Variants in PRKCE observed in about 807,000 individuals in gnomAD.
The protein encoded by PRKCE is protein kinase C epsilon.
PRKCE carries 16 observed loss-of-function variants against 85.4 expected under a neutral mutation model. The observed-to-expected ratio is 0.19, with a 90% CI of 0.13 to 0.28. PRKCE has a LOEUF of 0.28. Ranked by LOEUF, PRKCE falls within the 10% of genes least tolerant of loss-of-function variation. The probability of loss-of-function intolerance (pLI) is 1.00; values close to 1 mark genes in which losing one functional copy is unlikely to be tolerated. For missense variants in PRKCE, 573 were observed against 975.2 expected (o/e 0.59, Z 5.49); for synonymous variants, 388 against 371.5 (o/e 1.04, Z -0.51).
At chr2:45,962,650 A>G (rs1701458364) in intron 2 of PRKCE, among the ~76,000 whole-genome samples, 1 of 152,112 alleles carries the variant, frequency 6.6e-6, no homozygotes, top group Admixed American at 6.5e-5. Flanking sequence ...TTCTCATATC[A>G]CTATAGAAGA....
intron 11 of PRKCE, among the ~76,000 whole-genome samples, chr2:46,106,237 G>A (rs1181444565): frequency 2.6e-5 from 4 of 152,174 alleles, no homozygotes; most frequent in African/African-American, 9.7e-5. Context: ...AGCTATTTGA[G>A]CTCACACCGA....
At chr2:46,123,831 G>A (rs537022196) in intron 11 of PRKCE, among the ~76,000 whole-genome samples, 1 of 152,272 alleles carries the variant, frequency 6.6e-6, no homozygotes, top group East Asian at 1.9e-4. Context: ...CAGAAGTTTG[G>A]TGGTAAGGAT....
chr2:46,090,413 C>G (rs960128093), intron 11 of PRKCE, among the ~76,000 whole-genome samples: 1 of 152,110 alleles, frequency 6.6e-6, no homozygotes, highest in Admixed American at 6.5e-5. Flanking sequence ...CTTGTTCCCT[C>G]TGCCACCCTT....
At chr2:46,122,819 C>G (rs551051075) in intron 11 of PRKCE, among the ~76,000 whole-genome samples, 2 of 150,738 alleles carry the variant, frequency 1.3e-5, no homozygotes, top group Admixed American at 6.6e-5. Flanking sequence ...GCAAAAAGGT[C>G]CAATGGTCAG....
chr2:45,916,536 G>A (rs1270326411), intron 2 of PRKCE, among the ~76,000 whole-genome samples: 1 of 152,172 alleles, frequency 6.6e-6, no homozygotes, highest in Non-Finnish European at 1.5e-5. Flanking sequence ...GTGAGCCATT[G>A]CACCCAATGA....
At chr2:45,765,266 C>G (rs1166237765) in intron 1 of PRKCE, among the ~76,000 whole-genome samples, 2 of 152,128 alleles carry the variant, frequency 1.3e-5, no homozygotes, top group Non-Finnish European at 2.9e-5. Context: ...GATGAGTAAG[C>G]CTGGAGAATA....
At chr2:45,814,401 G>T (rs1688874381) in intron 1 of PRKCE, among the ~76,000 whole-genome samples, 1 of 152,244 alleles carries the variant, frequency 6.6e-6, no homozygotes, top group Non-Finnish European at 1.5e-5. Context: ...GAAGGCAGTG[G>T]TTTGCTGATT....
At chr2:45,930,234 G>A (rs1469500855) in intron 2 of PRKCE, among the ~76,000 whole-genome samples, 3 of 152,182 alleles carry the variant, frequency 2.0e-5, no homozygotes, top group Non-Finnish European at 4.4e-5. Flanking sequence ...TAGAAATAGA[G>A]GAAGGCTAAC....
intron 1 of PRKCE, among the ~76,000 whole-genome samples, chr2:45,655,553 C>A (rs777071002): frequency 3.0e-4 from 46 of 152,062 alleles, no homozygotes; most frequent in Non-Finnish European, 5.0e-4. Context: ...GGGCTAGGCA[C>A]TGTGGCTCAT....
intron 1 of PRKCE, among the ~76,000 whole-genome samples, chr2:45,834,837 T>G (rs1690723895): frequency 6.6e-6 from 1 of 152,264 alleles, no homozygotes; most frequent in African/African-American, 2.4e-5. Context: ...ATTTAGGTCA[T>G]TAAGTTCATT....
chr2:45,672,092 G>C (rs1248384446), intron 1 of PRKCE, among the ~76,000 whole-genome samples: 1 of 150,216 alleles, frequency 6.7e-6, no homozygotes, highest in Non-Finnish European at 1.5e-5. Context: ...AAAGAGGAAA[G>C]GAAAAAATCC....
Position 46,113,530 on chromosome 2 carries a change from T to G in PRKCE, c.1592+27168T>G, listed in dbSNP as rs566486161. On this transcript the variant is annotated intron_variant, in intron 11 of 14. Coordinates refer to ENST00000306156, the MANE Select transcript of PRKCE (RefSeq NM_005400.3). ...GCTCCCTGTGGCTCAGTCTCCCTTTTTGAGCTGGAAACTCTGGGGAGAAGT... is the reference window on the plus strand; with the variant it reads ...GCTCCCTGTGGCTCAGTCTCCCTTTGTGAGCTGGAAACTCTGGGGAGAAGT... Among the ~76,000 whole-genome samples, 4 of 152,346 alleles carry G rather than the reference T, an allele frequency of 2.6e-5. No individual in the cohort carries two copies. The South Asian group carries it at 8.3e-4, about 32-fold the overall frequency.
rs1375647953 is a variant in PRKCE, at chr2:45,907,511, G to A, written c.412+64448G>A. Among the ~76,000 whole-genome samples, 1 of 152,224 alleles carries A rather than the reference G, an allele frequency of 6.6e-6. No individual in the cohort carries two copies. Among genetic ancestry groups the A allele is most frequent in the Non-Finnish European group, 1.5e-5 (1 of 68,040 alleles). On this transcript the variant is annotated intron_variant, in intron 2 of 14. Transcript: ENST00000306156. The surrounding 1 kb of genome is among the most constrained non-coding windows in gnomAD (Gnocchi z 4.5). ...ATGGACGAAGCACACTTCTGAGGGC[G>A]TCATCGCAGGCCCTGTTCATCTCTC...
rs78589977 is a variant in PRKCE, at chr2:45,912,168, T to A, written c.413-64261T>A. Among the ~76,000 whole-genome samples, 684 of 152,248 alleles carry A rather than the reference T, an allele frequency of 4.5e-3. 10 individuals are homozygous for A. Among genetic ancestry groups the A allele is most frequent in the African/African-American group, 0.016 (651 of 41,560 alleles). ...AATACCAGGAACGATGGCAACCATTTGTTTTTCAAAGTACTTTGATAATCC... is the reference window on the plus strand; with the variant it reads ...AATACCAGGAACGATGGCAACCATTAGTTTTTCAAAGTACTTTGATAATCC... On this transcript the variant is annotated intron_variant, in intron 2 of 14. Transcript: ENST00000306156.
intron 10 of PRKCE, among the ~76,000 whole-genome samples, chr2:46,085,164 A>G (rs1396467078): frequency 2.0e-5 from 3 of 152,118 alleles, no homozygotes; most frequent in African/African-American, 7.2e-5. Context: ...ATGTCAGTCC[A>G]TCCTCTCCCC....
intron 10 of PRKCE, among the ~76,000 whole-genome samples, chr2:46,054,583 A>G (rs980204110): frequency 5.3e-5 from 8 of 152,146 alleles, no homozygotes; most frequent in Non-Finnish European, 8.8e-5. Flanking sequence ...TGCAACCCCA[A>G]CCATACACAC....
Position 45,652,564 on chromosome 2 carries a change from T to A in PRKCE, c.348+116T>A. 2 of 1,010,694 alleles carry A rather than the reference T, an allele frequency of 2.0e-6. No homozygotes were observed. Among genetic ancestry groups the A allele is most frequent in the East Asian group, 2.6e-5 (1 of 38,214 alleles). The allele number at this position is 1,010,694 out of a possible 1,614,324, so 62.6% of individuals were successfully genotyped here. On this transcript the variant is annotated intron_variant, in intron 1 of 14. Transcript: ENST00000306156. This position sits in a 1 kb window ranked among gnomAD's most constrained non-coding sequence, Gnocchi z 7.7. Reference sequence around the variant, plus strand: ...TATTGACGACTGGGGTGTGTGTGCCTGTAAGTCTCAGTTTCCTTGGGGAGG... The same window carrying A: ...TATTGACGACTGGGGTGTGTGTGCCAGTAAGTCTCAGTTTCCTTGGGGAGG...
At chr2:45,748,214 T>C (rs2104719157) in intron 1 of PRKCE, among the ~76,000 whole-genome samples, 1 of 152,344 alleles carries the variant, frequency 6.6e-6, no homozygotes, top group Middle Eastern at 3.4e-3. Flanking sequence ...AGGCATCATC[T>C]CATGCAAAGC....
intron 1 of PRKCE, among the ~76,000 whole-genome samples, chr2:45,838,591 C>G (rs1691087963): frequency 6.6e-6 from 1 of 152,078 alleles, no homozygotes; most frequent in African/African-American, 2.4e-5. Flanking sequence ...ATACTCTTAC[C>G]TTGGATTTTA....
Sources: gnomAD v4.1 joint callset for allele counts (sites outside exome capture counted in the v4.1 genomes callset) on GRCh38, gnomAD v4.1.1 for gene constraint, Gnocchi (gnomAD v3.1) non-coding constraint, MANE v1.5 for transcripts, NCBI Gene and HGNC (gene_info 2026-07-23, HGNC 2026-07-21) for gene names.